The following TGIF1 variants were observed in gnomAD, a reference collection of about 807,000 sequenced individuals.
The protein encoded by TGIF1 is TGFB induced factor homeobox 1, also known as homeobox protein TGIF1.
A neutral mutation model predicts 19.3 loss-of-function variants in TGIF1; 4 were observed. That is an observed-to-expected ratio of 0.21 (90% CI 0.10 to 0.47). The LOEUF is 0.47. Among genes scored for constraint, TGIF1 ranks in the 20% least tolerant of loss-of-function variants. The pLI is 0.98. For synonymous variants in TGIF1, 122 were observed against 129.3 expected (o/e 0.94, Z 0.38); for missense variants, 275 against 341.4 (o/e 0.81, Z 1.53).
In TGIF1 at chr18:3,439,423, C is replaced by T. The variant is rs77833298; in HGVS notation, c.-44-16931C>T. Reference sequence around the variant, plus strand: ...AGTACAGTGGCAGATCTCGGCTCACCGCAACCTCCTCCCAGGTTCAAGCGA... The same window carrying T: ...AGTACAGTGGCAGATCTCGGCTCACTGCAACCTCCTCCCAGGTTCAAGCGA... On this transcript the variant is annotated intron_variant, in intron 2 of 3. Transcript: ENST00000401449. Among the ~76,000 whole-genome samples, 499 of 151,508 alleles carry T rather than the reference C, an allele frequency of 3.3e-3. 7 individuals are homozygous for T. The highest frequency in any genetic ancestry group is 0.011 in the African/African-American group (453 of 41,274).
At chr18:3,448,002 G>A, upstream of TGIF1, 2 of 954,808 alleles carry the variant, frequency 2.1e-6, no homozygotes, top group Non-Finnish European at 2.5e-6. Context: ...TACATAATGA[G>A]AGCCACCGCG....
Position 3,458,219 on chromosome 18 carries a change from C to T in TGIF1, c.*279C>T, listed in dbSNP as rs1297112591. 4.9e-6 allele frequency: 2 copies of T among 411,854 alleles called. No homozygotes were observed. The highest frequency in any genetic ancestry group is 2.9e-5 in the South Asian group (1 of 34,478). 25.5% of individuals were successfully genotyped at this position (411,854 alleles called of 1,614,324 possible). On this transcript the variant is annotated 3_prime_UTR_variant, in exon 3 of 3. Transcript: ENST00000343820. ...ATATCATGTGATTTTTTTTTTCCTC[C>T]CCTTCCCTTTTTTTGTTATTTTTTC...
Position 3,451,300 on chromosome 18 carries a change from A to T in TGIF1, c.16+795A>T. On this transcript the variant is annotated intron_variant, in intron 1 of 2. Coordinates refer to ENST00000343820, the MANE Select transcript of TGIF1 (RefSeq NM_003244.4). The surrounding 1 kb of genome is among the most constrained non-coding windows in gnomAD (Gnocchi z 5.4). ...CCACGAAGTGTTCTGGAAGCTTTAC[A>T]ACTAAAACTTGCCGTCAGTTTGGTT... 5.4e-6 allele frequency: 5 copies of T among 934,036 alleles called. No homozygotes were observed. The highest frequency in any genetic ancestry group is 6.4e-6 in the Non-Finnish European group (5 of 783,546). 57.9% of individuals were successfully genotyped at this position (934,036 alleles called of 1,614,324 possible).
chr18:3,428,557 GAA>G (rs1195921049), intron 2 of TGIF1, among the ~76,000 whole-genome samples: 1 of 151,730 alleles, frequency 6.6e-6, no homozygotes, highest in Non-Finnish European at 1.5e-5. Context: ...CCAACATAGC[GAA>G]ACCCCATCTC....
chr18:3,434,073 G>A (rs989580550), intron 2 of TGIF1, among the ~76,000 whole-genome samples: 9 of 152,050 alleles, frequency 5.9e-5, no homozygotes, highest in African/African-American at 1.9e-4. Flanking sequence ...CTTGCCAGTC[G>A]AAGTGAGAAA....
upstream of TGIF1, among the ~76,000 whole-genome samples, chr18:3,447,339 T>TTA (rs2082761184): frequency 7.1e-6 from 1 of 141,680 alleles, no homozygotes; most frequent in African/African-American, 2.6e-5. Context: ...CTATATACTT[T>TTA]AAAAAAAAAA....
chr18:3,426,977 G>A (rs2082478754), intron 2 of TGIF1, among the ~76,000 whole-genome samples: 1 of 142,610 alleles, frequency 7.0e-6, no homozygotes, highest in Admixed American at 7.4e-5. Context: ...AGGCTGGAGT[G>A]CAATGGCATG....
At chr18:3,435,744 C>T (rs182134524) in intron 2 of TGIF1, among the ~76,000 whole-genome samples, 22 of 152,256 alleles carry the variant, frequency 1.4e-4, no homozygotes, top group African/African-American at 2.9e-4. Flanking sequence ...ACAGAATGTA[C>T]GCATTTTCAA....
intron 1 of TGIF1, among the ~76,000 whole-genome samples, chr18:3,416,570 T>C (rs2082334440): frequency 6.6e-6 from 1 of 152,142 alleles, no homozygotes; most frequent in African/African-American, 2.4e-5. Flanking sequence ...CTTCCTGTCC[T>C]GCAAGGGCTA....
At chr18:3,422,717 G>A (rs1473081989) in intron 2 of TGIF1, among the ~76,000 whole-genome samples, 4 of 118,046 alleles carry the variant, frequency 3.4e-5, no homozygotes, top group Admixed American at 1.2e-4. Context: ...TTGAGACAGA[G>A]TCTGGCTCTG....
chr18:3,416,306 G>C (rs1598850360), intron 1 of TGIF1, among the ~76,000 whole-genome samples: 1 of 151,844 alleles, frequency 6.6e-6, no homozygotes, highest in South Asian at 2.1e-4. Flanking sequence ...GATTGCCTGA[G>C]GTCAGGAGTT....
intron 1 of TGIF1, 95 bp downstream of exon 1, chr18:3,450,600 C>T (rs982251310): frequency 6.5e-7 from 1 of 1,546,368 alleles, no homozygotes. Flanking sequence ...GTGGACTTTT[C>T]CGCCCAGGGG....
upstream of TGIF1, chr18:3,449,336 C>T: frequency 1.0e-6 from 1 of 976,316 alleles, no homozygotes; most frequent in African/African-American, 1.7e-5. Context: ...TGCCGGGGTT[C>T]GGCGACTCGG....
At chr18:3,447,450 C>T (rs546382331), upstream of TGIF1, among the ~76,000 whole-genome samples, 203 of 151,936 alleles carry the variant, frequency 1.3e-3, no homozygotes, top group Admixed American at 2.3e-3. Flanking sequence ...ACTTGTTTTT[C>T]CACCTCGAGA....
At chr18:3,422,109 G>A (rs986524325) in intron 2 of TGIF1, among the ~76,000 whole-genome samples, 8 of 150,404 alleles carry the variant, frequency 5.3e-5, no homozygotes, top group African/African-American at 2.0e-4. Flanking sequence ...CAGGAGAATC[G>A]CTTGAACCTG....
At chr18:3,448,470 C>T (rs919610074), upstream of TGIF1, 2 of 990,566 alleles carry the variant, frequency 2.0e-6, no homozygotes, top group Non-Finnish European at 1.2e-6. Context: ...ACTGTGCTCC[C>T]GGCAGTTGCA....
upstream of TGIF1, chr18:3,448,605 CCTT>C (rs1220449898): frequency 3.0e-6 from 3 of 985,328 alleles, no homozygotes; most frequent in Non-Finnish European, 2.4e-6. Context: ...AAGGTTGCTG[CCTT>C]CTTAGAGAGA....
upstream of TGIF1, among the ~76,000 whole-genome samples, chr18:3,445,649 A>G (rs543583442): frequency 4.3e-5 from 6 of 139,300 alleles, no homozygotes; most frequent in South Asian, 9.8e-4. Flanking sequence ...GCGTGAACCC[A>G]GGAGGCAGAG....
At position 3,457,745 on chromosome 18, in the gene TGIF1, C is replaced by G. The variant is rs757788776; in HGVS notation, c.624C>G (p.Phe208Leu). The part of the protein sequence containing the change: ...TDIQQIAAKN[F>L]TDTSLMYPED... ...TACAGCAGATAGCGGCCAAAAACTT[C>G]ACAGACACCTCTCTCATGTACCCAG... Residue 208 changes from phenylalanine to leucine, a missense_variant, in exon 3 of 3, where the codon TTC (phenylalanine) becomes TTG (leucine). Phe to Leu is a conservative substitution (Grantham distance 22). Coordinates refer to ENST00000343820, the MANE Select transcript of TGIF1 (RefSeq NM_003244.4). The surrounding 1 kb of genome is among the most constrained non-coding windows in gnomAD (Gnocchi z 4.9). 4 of 1,614,056 alleles carry G rather than the reference C, an allele frequency of 2.5e-6. No homozygotes were observed. The Admixed American group carries it at 6.7e-5, about 27-fold the overall frequency.
Sources: gnomAD v4.1 joint callset for allele counts (sites outside exome capture counted in the v4.1 genomes callset) on GRCh38, gnomAD v4.1.1 for gene constraint, Gnocchi (gnomAD v3.1) non-coding constraint, MANE v1.5 for transcripts, NCBI Gene and HGNC (gene_info 2026-07-23, HGNC 2026-07-21) for gene names.